ROBO2: variants seen among roughly 807,000 people sequenced by gnomAD.
The protein encoded by ROBO2 is roundabout guidance receptor 2.
Under a neutral mutation model 160.8 loss-of-function variants are expected in ROBO2, and 53 were observed. The ratio of observed to expected loss-of-function variants is 0.33; its 90% confidence interval spans 0.26 to 0.41. The LOEUF is 0.41. Ranked by LOEUF, ROBO2 falls within the 10% of genes least tolerant of loss-of-function variation. The pLI is 1.00. For synonymous variants in ROBO2, 664 were observed against 611.7 expected, an observed-to-expected ratio of 1.09 and a Z score of -1.26; for missense variants, 1,577 against 1,722.4, an observed-to-expected ratio of 0.92 and a Z score of 1.49.
At chr3:76,391,437 A>G (rs563567267) in intron 2 of ROBO2, among the ~76,000 whole-genome samples, 1 of 152,334 alleles carries the variant, frequency 6.6e-6, no homozygotes, top group East Asian at 1.9e-4. Flanking sequence ...AAGCTCATAC[A>G]ATGTGTTTCT....
chr3:77,234,972 GAT>G (rs1047564340), intron 2 of ROBO2, among the ~76,000 whole-genome samples: 34 of 151,996 alleles, frequency 2.2e-4, no homozygotes, highest in African/African-American at 8.2e-4. Flanking sequence ...GCATTGTGAA[GAT>G]ATATATATAA....
chr3:77,104,427 T>C (rs2072501336), intron 2 of ROBO2, among the ~76,000 whole-genome samples: 1 of 152,194 alleles, frequency 6.6e-6, no homozygotes, highest in African/African-American at 2.4e-5. Flanking sequence ...CTCAATAATA[T>C]TTCATGGTAT....
At chr3:76,145,118 G>A (rs1019148881) in intron 2 of ROBO2, among the ~76,000 whole-genome samples, 14 of 148,794 alleles carry the variant, frequency 9.4e-5, no homozygotes, top group African/African-American at 3.2e-4. Flanking sequence ...AAAAAAAAAC[G>A]CTTTGAAATC....
At chr3:77,039,932 C>G in exon 1 of ROBO2, 2 of 205,946 alleles carry the variant, frequency 9.7e-6, no homozygotes, top group Non-Finnish European at 1.7e-5. Flanking sequence ...CGCTCCCTTT[C>G]TCCGCCGCGC....
chr3:77,382,779 A>G (rs1472075503), intron 2 of ROBO2, among the ~76,000 whole-genome samples: 2 of 152,228 alleles, frequency 1.3e-5, no homozygotes, highest in Non-Finnish European at 2.9e-5. Flanking sequence ...GTAGTATTCC[A>G]TGGTGCATAT....
intron 6 of ROBO2, chr3:77,538,908 T>G (rs1228851099): frequency 4.2e-6 from 2 of 472,136 alleles, no homozygotes; most frequent in Admixed American, 4.5e-5. Flanking sequence ...TTGCAGAAAC[T>G]TTTTAATTTT....
At chr3:76,911,212 A>G (rs2075971779) in intron 2 of ROBO2, among the ~76,000 whole-genome samples, 1 of 152,214 alleles carries the variant, frequency 6.6e-6, no homozygotes, top group African/African-American at 2.4e-5. Flanking sequence ...AATGAAAATG[A>G]CTGTCAATAA....
chr3:77,085,581 G>A (rs945740926), intron 1 of ROBO2, among the ~76,000 whole-genome samples: 7 of 151,996 alleles, frequency 4.6e-5, no homozygotes, highest in African/African-American at 7.2e-5. Flanking sequence ...CCATAAGCCC[G>A]AGTTGTATTT....
intron 2 of ROBO2, among the ~76,000 whole-genome samples, chr3:76,753,114 A>T (rs1469222845): frequency 1.3e-5 from 2 of 151,928 alleles, no homozygotes; most frequent in Admixed American, 1.3e-4. Flanking sequence ...CTTGTCAAAG[A>T]CTTAAATAGA....
intron 2 of ROBO2, among the ~76,000 whole-genome samples, chr3:77,156,533 T>G (rs543495612): frequency 6.6e-6 from 1 of 152,048 alleles, no homozygotes; most frequent in East Asian, 1.9e-4. Flanking sequence ...GGAGGAACAT[T>G]TTCCTGTGTA....
chr3:77,547,269 A>G (rs1357502027), intron 7 of ROBO2, among the ~76,000 whole-genome samples: 2 of 152,080 alleles, frequency 1.3e-5, no homozygotes, highest in Non-Finnish European at 2.9e-5. Flanking sequence ...TTGCAAAATA[A>G]TTTATCTGTG....
intron 2 of ROBO2, among the ~76,000 whole-genome samples, chr3:76,442,362 A>T (rs2076963536): frequency 2.0e-5 from 3 of 152,166 alleles, no homozygotes; most frequent in Admixed American, 1.3e-4. Context: ...ATCTCTCCAG[A>T]GACTTCTTCA....
At chr3:76,560,645 A>G (rs1199416956) in intron 2 of ROBO2, among the ~76,000 whole-genome samples, 2 of 150,074 alleles carry the variant, frequency 1.3e-5, no homozygotes, top group Non-Finnish European at 3.0e-5. Context: ...AGAAAAGAAA[A>G]CTCACATTAC....
At chr3:77,552,647 C>T (rs986334100) in intron 8 of ROBO2, among the ~76,000 whole-genome samples, 1 of 152,000 alleles carries the variant, frequency 6.6e-6, no homozygotes, top group Non-Finnish European at 1.5e-5. Context: ...GTATTAATTC[C>T]TATATTGATT....
chr3:76,714,060 G>A (rs2093342390), intron 2 of ROBO2, among the ~76,000 whole-genome samples: 1 of 152,168 alleles, frequency 6.6e-6, no homozygotes, highest in Admixed American at 6.6e-5. Context: ...AGGGCGGCCT[G>A]CTTAAAGGAA....
In ROBO2 at chr3:76,434,949, A is replaced by G. The variant is rs192856135; in HGVS notation, c.109+497347A>G. 1.3e-3 allele frequency: 2,042 copies of G among 1,599,144 alleles called. 5 individuals carry two copies. In the Middle Eastern group the frequency reaches 0.016, roughly 12 times the overall value. On this transcript the variant is annotated intron_variant, in intron 2 of 26. Coordinates refer to the ROBO2 transcript ENST00000487694. ...CCCATCCCCCAAACCAGCCACAAAG[A>G]AGGAGCCAGCTGTACTTGAACTGGA...
At chr3:77,617,466 G>C (rs201224556) in intron 21 of ROBO2, 47 bp from the exon 23 acceptor site, 62 of 1,606,818 alleles carry the variant, frequency 3.9e-5, no homozygotes, top group Non-Finnish European at 4.8e-5. Flanking sequence ...GCATGTATGT[G>C]TATATGTATT....
intron 2 of ROBO2, among the ~76,000 whole-genome samples, chr3:76,678,915 T>C (rs1454064356): frequency 6.6e-6 from 1 of 152,182 alleles, no homozygotes; most frequent in Non-Finnish European, 1.5e-5. Flanking sequence ...ATATAGGATG[T>C]CCTCATTACT....
At chr3:75,913,394 A>G (rs150135866) in intron 1 of ROBO2, among the ~76,000 whole-genome samples, 233 of 152,300 alleles carry the variant, frequency 1.5e-3, no homozygotes, top group African/African-American at 5.4e-3. Flanking sequence ...TTTTGGGACT[A>G]TTATGCAGCC....
Sources: gnomAD v4.1 joint callset for allele counts (sites outside exome capture counted in the v4.1 genomes callset) on GRCh38, gnomAD v4.1.1 for gene constraint, MANE v1.5 for transcripts, NCBI Gene and HGNC (gene_info 2026-07-23, HGNC 2026-07-21) for gene names.